Variants in MGMT observed in about 807,000 individuals in gnomAD.
The protein encoded by MGMT is methylated-DNA--protein-cysteine methyltransferase.
MGMT carries 14 observed loss-of-function variants against 15.9 expected under a neutral mutation model. The ratio of observed to expected loss-of-function variants is 0.88; its 90% CI spans 0.58 to 1.37. MGMT has a LOEUF of 1.37. Ranked by LOEUF, MGMT falls within the 40% of genes most tolerant of loss-of-function variation. MGMT has a pLI of 0.00. For synonymous variants in MGMT, 130 were observed against 118.2 expected (o/e 1.10, Z -0.65); for missense variants, 282 against 268.1 (o/e 1.05, Z -0.36).
intron 1 of MGMT, among the ~76,000 whole-genome samples, chr10:129,526,787 G>T (rs1394454651): frequency 6.6e-6 from 1 of 152,204 alleles, no homozygotes; most frequent in East Asian, 1.9e-4. Context: ...AGTGCAGCAG[G>T]CCTGGAAAAC....
chr10:129,521,514 G>A (rs1302863109), intron 1 of MGMT, among the ~76,000 whole-genome samples: 1 of 152,182 alleles, frequency 6.6e-6, no homozygotes, highest in African/African-American at 2.4e-5. Flanking sequence ...GGGAACCTCT[G>A]GCAGTCTGGC....
At chr10:129,691,465 G>A (rs761914374) in intron 2 of MGMT, among the ~76,000 whole-genome samples, 1 of 152,246 alleles carries the variant, frequency 6.6e-6, no homozygotes, top group South Asian at 2.1e-4. Context: ...TGCAGGCATC[G>A]CGAGTAAGAA....
At chr10:129,746,427 CTT>C (rs60875895) in intron 3 of MGMT, among the ~76,000 whole-genome samples, 2 of 142,078 alleles carry the variant, frequency 1.4e-5, no homozygotes, top group African/African-American at 2.6e-5. Context: ...CATATAGTTT[CTT>C]TTTTTTTTTA....
intron 3 of MGMT, among the ~76,000 whole-genome samples, chr10:129,751,820 A>G (rs1339253997): frequency 2.6e-5 from 4 of 152,048 alleles, no homozygotes; most frequent in Non-Finnish European, 4.4e-5. Context: ...AGAATTTTCT[A>G]TTATGGTTTT....
chr10:129,585,192 G>T (rs907095153), intron 2 of MGMT, among the ~76,000 whole-genome samples: 1 of 152,110 alleles, frequency 6.6e-6, no homozygotes, highest in Non-Finnish European at 1.5e-5. Context: ...ATATCTTCTT[G>T]TGTAAAACGG....
At chr10:129,520,944 A>G (rs1845801651) in intron 1 of MGMT, among the ~76,000 whole-genome samples, 3 of 150,838 alleles carry the variant, frequency 2.0e-5, no homozygotes, top group African/African-American at 7.3e-5. Context: ...CACAGCCCCT[A>G]AGGTGTGCCT....
intron 2 of MGMT, among the ~76,000 whole-genome samples, chr10:129,673,731 A>G (rs1226635476): frequency 1.3e-5 from 2 of 152,194 alleles, no homozygotes; most frequent in Non-Finnish European, 2.9e-5. Context: ...GGAATTAAAA[A>G]TTTAATGGGA....
chr10:129,491,453 C>A (rs1845468124), intron 1 of MGMT, among the ~76,000 whole-genome samples: 1 of 152,116 alleles, frequency 6.6e-6, no homozygotes, highest in East Asian at 1.9e-4. Context: ...TTAGGGTTTG[C>A]TGAACTTCTT....
At chr10:129,672,690 T>C (rs1223452569) in intron 2 of MGMT, among the ~76,000 whole-genome samples, 1 of 152,190 alleles carries the variant, frequency 6.6e-6, no homozygotes, top group African/African-American at 2.4e-5. Flanking sequence ...TTTTAAATAG[T>C]TGGTGATTCT....
chr10:129,566,140 G>A lies in MGMT; in HGVS notation c.125+29763G>A, dbSNP rs911377234. Among the ~76,000 whole-genome samples the A allele has an allele frequency of 3.3e-5, 5 of 152,198 alleles. No homozygotes were observed. The highest frequency in any genetic ancestry group is 1.2e-4 in the African/African-American group (5 of 41,464). ...AGGGCTGGGGACTTGCTAGAGCAGG[G>A]TTCCCAGTGCCCCCAGGCTCTACTT... On this transcript the variant is annotated intron_variant, in intron 2 of 4. Coordinates refer to ENST00000651593, the MANE Select transcript of MGMT (RefSeq NM_002412.5). This position sits in a 1 kb window ranked among gnomAD's most constrained non-coding sequence, Gnocchi z 4.1.
At chr10:129,664,229 G>A (rs1432580491) in intron 2 of MGMT, among the ~76,000 whole-genome samples, 1 of 152,320 alleles carries the variant, frequency 6.6e-6, no homozygotes, top group East Asian at 1.9e-4. Flanking sequence ...AAGTACCAAT[G>A]CAAGTAACTT....
chr10:129,610,413 G>A (rs1295242939), intron 2 of MGMT, among the ~76,000 whole-genome samples: 1 of 152,192 alleles, frequency 6.6e-6, no homozygotes, highest in Non-Finnish European at 1.5e-5. Flanking sequence ...TCTGGAACTT[G>A]CCAAGTATGC....
At chr10:129,684,371 A>C (rs778222601) in intron 2 of MGMT, among the ~76,000 whole-genome samples, 2 of 152,172 alleles carry the variant, frequency 1.3e-5, no homozygotes, top group Non-Finnish European at 1.5e-5. Flanking sequence ...AGGGAGATGC[A>C]GGGGGGCCAT....
At chr10:129,702,413 ATT>A (rs762177952) in intron 2 of MGMT, among the ~76,000 whole-genome samples, 3 of 152,138 alleles carry the variant, frequency 2.0e-5, no homozygotes, top group Non-Finnish European at 4.4e-5. Flanking sequence ...GTGTCATGAT[ATT>A]TGCCTCGGGA....
chr10:129,549,016 T>C (rs543665689), intron 2 of MGMT, among the ~76,000 whole-genome samples: 5 of 152,228 alleles, frequency 3.3e-5, no homozygotes, highest in Non-Finnish European at 7.3e-5. Context: ...CTGGCTTCTT[T>C]GTTAGAATTC....
chr10:129,534,125 A>C (rs1845961050), intron 1 of MGMT, among the ~76,000 whole-genome samples: 1 of 152,206 alleles, frequency 6.6e-6, no homozygotes, highest in Non-Finnish European at 1.5e-5. Context: ...AGACAGTTGA[A>C]GCACCAAGAG....
chr10:129,515,469 G>A (rs939540454), intron 1 of MGMT, among the ~76,000 whole-genome samples: 6 of 151,810 alleles, frequency 4.0e-5, no homozygotes, highest in African/African-American at 1.4e-4. Flanking sequence ...TTGATAGCAC[G>A]TGTCCTGTCT....
Position 129,769,210 on chromosome 10 carries a change from T to A in MGMT, c.*2213T>A, listed in dbSNP as rs1449164515. On this transcript the variant is annotated 3_prime_UTR_variant, in exon 5 of 5. Transcript: ENST00000651593. ...GCCCTGTCAGAACAGGCTTGATAGA[T>A]GCCCGGAGGTTCCCTCTGACAGCCG... 6.6e-6 allele frequency: 1 copy of A among 152,234 alleles called. No homozygotes were observed. The highest frequency in any genetic ancestry group is 1.9e-4 in the East Asian group (1 of 5,170). The allele number at this position is 152,234 out of a possible 1,614,324, so 9.4% of individuals were successfully genotyped here. A position where few individuals can be genotyped will look rare whatever the true frequency, so the allele number is the denominator to read the frequency against.
intron 3 of MGMT, among the ~76,000 whole-genome samples, chr10:129,729,950 A>G (rs975909841): frequency 2.0e-5 from 3 of 152,176 alleles, no homozygotes; most frequent in African/African-American, 7.2e-5. Flanking sequence ...GACGGTGTTG[A>G]TATGAGGTGT....
Sources: allele counts gnomAD v4.1 joint callset (sites outside exome capture counted in the v4.1 genomes callset), GRCh38; gene constraint gnomAD v4.1.1; non-coding constraint Gnocchi (gnomAD v3.1); transcripts MANE v1.5; gene names NCBI Gene and HGNC (gene_info 2026-07-23, HGNC 2026-07-21).